The following CYSLTR1 variants were observed in gnomAD, a reference collection of about 807,000 sequenced individuals.
The protein encoded by CYSLTR1 is cysteinyl leukotriene receptor 1, also known as G-protein coupled receptor HG55.
Under a neutral mutation model 2.1 loss-of-function variants are expected in CYSLTR1, and 1 was observed. The observed-to-expected ratio is 0.48, with a 90% CI of 0.17 to 2.28. CYSLTR1 has a LOEUF of 2.28. Among genes scored for constraint, CYSLTR1 ranks in the 30% most tolerant of loss-of-function variants. CYSLTR1 has a pLI of 0.26. For synonymous variants in CYSLTR1, 110 were observed against 89.6 expected (o/e 1.23, Z -1.28); for missense variants, 299 against 250.1 (o/e 1.20, Z -1.32).
intron 2 of CYSLTR1, among the ~76,000 whole-genome samples, chrX:78,280,770 GTTCTCTTCTTTGTGTCCATGTGTTATCAC>G (rs1603409402): frequency 9.0e-6 from 1 of 111,038 alleles, no homozygotes; most frequent in South Asian, 3.8e-4. Flanking sequence ...AGTGTCTGTT[GTTCTCTTCTTTGTGTCCATGTGTTATCAC>G]CATTTAATTC....
chrX:78,326,791 C>T (rs1244664121), intron 1 of CYSLTR1, among the ~76,000 whole-genome samples: 1 of 111,925 alleles, frequency 8.9e-6, no homozygotes, highest in Non-Finnish European at 1.9e-5. Flanking sequence ...TCAATTTTCT[C>T]ATTCATAAAC....
intron 1 of CYSLTR1, among the ~76,000 whole-genome samples, chrX:78,307,256 G>T (rs1923062944): frequency 9.0e-6 from 1 of 111,683 alleles, no homozygotes; most frequent in Non-Finnish European, 1.9e-5. Flanking sequence ...GAGGCTTAAG[G>T]TCCTTTTCCA....
intron 1 of CYSLTR1, among the ~76,000 whole-genome samples, chrX:78,323,936 T>C (rs995506535): frequency 1.8e-5 from 2 of 111,939 alleles, no homozygotes; most frequent in Non-Finnish European, 3.8e-5. Flanking sequence ...TTATGTTTAC[T>C]CTTCTCTCTC....
intron 2 of CYSLTR1, among the ~76,000 whole-genome samples, chrX:78,274,067 T>C (rs1921450878): frequency 9.0e-6 from 1 of 111,696 alleles, no homozygotes; most frequent in African/African-American, 3.3e-5. Flanking sequence ...ATCATACTAC[T>C]GTAGTACAAT....
chrX:78,305,787 C>A (rs73226149), intron 1 of CYSLTR1, among the ~76,000 whole-genome samples: 335 of 112,967 alleles, frequency 3.0e-3, no homozygotes, highest in Non-Finnish European at 5.1e-3. Context: ...CAAGGCTCAT[C>A]CATGCAGTTG....
chrX:78,274,932 A>C (rs1416277089), intron 2 of CYSLTR1, among the ~76,000 whole-genome samples: 8 of 112,216 alleles, frequency 7.1e-5, no homozygotes, highest in African/African-American at 2.6e-4. Context: ...ATGAACAGAC[A>C]GTTCTCAAAA....
intron 1 of CYSLTR1, among the ~76,000 whole-genome samples, chrX:78,323,772 A>C (rs1923756104): frequency 1.8e-5 from 2 of 111,911 alleles, no homozygotes; most frequent in Admixed American, 9.5e-5. Context: ...AAGGACCTCA[A>C]GTCTAGATCT....
chrX:78,278,778 A>C (rs953236393), intron 2 of CYSLTR1, among the ~76,000 whole-genome samples: 2 of 112,417 alleles, frequency 1.8e-5, no homozygotes, highest in African/African-American at 6.5e-5. Context: ...AATGACACAG[A>C]ATAGGGATTC....
chrX:78,310,997 C>G (rs1923200763), intron 1 of CYSLTR1, among the ~76,000 whole-genome samples: 1 of 109,950 alleles, frequency 9.1e-6, no homozygotes, highest in African/African-American at 3.3e-5. Flanking sequence ...ATATACCATT[C>G]TAGATAATTT....
At chrX:78,284,657 C>A (rs920986152) in intron 1 of CYSLTR1, among the ~76,000 whole-genome samples, 1 of 109,495 alleles carries the variant, frequency 9.1e-6, no homozygotes, top group South Asian at 3.9e-4. Flanking sequence ...TCGCTTCAGC[C>A]TCCCAAAGTG....
chrX:78,324,925 CATACTT>C (rs1173614362), intron 1 of CYSLTR1, among the ~76,000 whole-genome samples: 1 of 110,889 alleles, frequency 9.0e-6, no homozygotes, highest in East Asian at 2.8e-4. Context: ...CACAACTAGA[CATACTT>C]ATATATTTTA....
At chrX:78,302,749 A>G (rs765079003) in intron 1 of CYSLTR1, among the ~76,000 whole-genome samples, 2 of 110,757 alleles carry the variant, frequency 1.8e-5, no homozygotes, top group Non-Finnish European at 3.8e-5. Flanking sequence ...CACGACTCTG[A>G]CTGGTGCCCT....
chrX:78,318,866 T>C (rs1383158646), intron 1 of CYSLTR1: 8 of 109,073 alleles, frequency 7.3e-5, no homozygotes, highest in African/African-American at 2.7e-4. Flanking sequence ...TTGCAATGCC[T>C]CCTGACCCTT....
At position 78,321,652 on chromosome X, in the gene CYSLTR1, T is replaced by G. The variant is rs186463458; in HGVS notation, c.-115+5653A>C. On this transcript the variant is annotated intron_variant, in intron 1 of 2. Coordinates refer to ENST00000373304, the MANE Select transcript of CYSLTR1 (RefSeq NM_006639.4). The stretch of plus-strand genomic sequence containing the variant: ...CTGTGGTGAGCCGAGATTTTACCAT[T>G]GCACTCCAGCTTGGGCAACAAGAGT... 4 of 101,340 alleles carry G rather than the reference T, an allele frequency of 3.9e-5. No homozygotes were observed. In the East Asian group the frequency reaches 1.2e-3, roughly 32 times the overall value. 8.4% of individuals were successfully genotyped at this position (101,340 alleles called of 1,213,427 possible). A position where few individuals can be genotyped will look rare whatever the true frequency, so the allele number is the denominator to read the frequency against.
intron 1 of CYSLTR1, among the ~76,000 whole-genome samples, chrX:78,303,144 C>T (rs988627854): frequency 3.6e-5 from 4 of 111,718 alleles, no homozygotes; most frequent in African/African-American, 1.3e-4. Flanking sequence ...GGTTTAAATG[C>T]CCCCTCCATG....
At chrX:78,321,397 C>G (rs757256788) in intron 1 of CYSLTR1, 1 of 110,449 alleles carries the variant, frequency 9.1e-6, no homozygotes, top group Non-Finnish European at 1.9e-5. Context: ...AGGCAAAGAT[C>G]TTAAAACAAA....
chrX:78,317,939 G>T (rs767892926), intron 1 of CYSLTR1, among the ~76,000 whole-genome samples: 1 of 111,793 alleles, frequency 8.9e-6, no homozygotes, highest in Admixed American at 9.5e-5. Context: ...ACTTATGCAT[G>T]TAACCAGAAA....
chrX:78,324,097 G>T (rs1476843268), intron 1 of CYSLTR1, among the ~76,000 whole-genome samples: 1 of 111,670 alleles, frequency 9.0e-6, no homozygotes, highest in East Asian at 2.8e-4. Flanking sequence ...AGATGGAGTG[G>T]GATGAGACAG....
At chrX:78,291,541 C>A (rs759900804) in intron 1 of CYSLTR1, among the ~76,000 whole-genome samples, 64 of 111,173 alleles carry the variant, frequency 5.8e-4, no homozygotes, top group Non-Finnish European at 9.6e-4. Context: ...GGAATGGTAC[C>A]AGCTCCTGTT....
Sources: gnomAD v4.1 joint callset for allele counts (sites outside exome capture counted in the v4.1 genomes callset) on GRCh38, gnomAD v4.1.1 for gene constraint, MANE v1.5 for transcripts, NCBI Gene and HGNC (gene_info 2026-07-23, HGNC 2026-07-21) for gene names.